GPC3: variants seen among roughly 807,000 people sequenced by gnomAD.
GPC3 encodes glypican 3.
A neutral mutation model predicts 34.4 loss-of-function variants in GPC3; 3 were observed. That is an observed-to-expected ratio of 0.09 (90% CI 0.04 to 0.23). The LOEUF (loss-of-function observed/expected upper bound fraction) is 0.23. Ranked by LOEUF, GPC3 falls within the 10% of genes least tolerant of loss-of-function variation. GPC3 has a pLI of 1.00. For missense variants in GPC3, 351 were observed against 445.6 expected, an observed-to-expected ratio of 0.79 and a Z score of 1.91; for synonymous variants, 177 against 174.0, an observed-to-expected ratio of 1.02 and a Z score of -0.13.
chrX:133,811,145 T>C (rs1350434763), intron 2 of GPC3, among the ~76,000 whole-genome samples: 1 of 112,329 alleles, frequency 8.9e-6, no homozygotes, highest in African/African-American at 3.2e-5. Context: ...GTTTGGACAA[T>C]AATTTATATT....
At chrX:133,837,721 T>C (rs898257621) in intron 2 of GPC3, among the ~76,000 whole-genome samples, 53 of 111,805 alleles carry the variant, frequency 4.7e-4, no homozygotes, top group African/African-American at 1.7e-3. Context: ...ACTGATCAGT[T>C]CTGTACCTTG....
At chrX:133,772,152 TAAAGA>T (rs970312791) in intron 2 of GPC3, among the ~76,000 whole-genome samples, 5 of 111,652 alleles carry the variant, frequency 4.5e-5, no homozygotes, top group African/African-American at 1.6e-4. Flanking sequence ...AAAACTAAAC[TAAAGA>T]AAAGTTTGCC....
intron 2 of GPC3, among the ~76,000 whole-genome samples, chrX:133,830,989 GA>G (rs199805735): frequency 9.3e-6 from 1 of 107,252 alleles, no homozygotes; most frequent in African/African-American, 3.4e-5. Context: ...CATACTGAGT[GA>G]AAAAAAAAGC....
At chrX:133,644,096 G>A (rs1207048821) in intron 6 of GPC3, among the ~76,000 whole-genome samples, 1 of 110,414 alleles carries the variant, frequency 9.1e-6, no homozygotes. Flanking sequence ...AAAGTGCTGG[G>A]ATTACAGACG....
In GPC3 at chrX:133,847,493, T is replaced by C. The variant is rs186542939; in HGVS notation, c.338-93317A>G. Among the ~76,000 whole-genome samples the C allele has an allele frequency of 8.4e-3, 941 of 112,348 alleles. 12 individuals are homozygous for C. The highest frequency in any genetic ancestry group is 0.029 in the African/African-American group (886 of 30,974). ...ACTGCCTATATAACAGTTTTATAAA[T>C]GGAGCAAGTTGACTTAAATTGGAAC... On this transcript the variant is annotated intron_variant, in intron 2 of 7. Coordinates refer to ENST00000370818, the MANE Select transcript of GPC3 (RefSeq NM_004484.4).
intron 7 of GPC3, among the ~76,000 whole-genome samples, chrX:133,549,890 TTCTC>T (rs765499456): frequency 1.0e-4 from 10 of 96,768 alleles, no homozygotes; most frequent in South Asian, 6.4e-4. Flanking sequence ...CCCTCCCTCC[TTCTC>T]TCTTTCTATC....
chrX:133,808,875 T>C (rs1474939072), intron 2 of GPC3, among the ~76,000 whole-genome samples: 2 of 112,133 alleles, frequency 1.8e-5, no homozygotes, highest in Admixed American at 9.5e-5. Context: ...ATTTCACACA[T>C]AATAAAAAGA....
intron 2 of GPC3, among the ~76,000 whole-genome samples, chrX:133,848,807 G>A (rs2075858150): frequency 9.0e-6 from 1 of 110,659 alleles, no homozygotes; most frequent in African/African-American, 3.3e-5. Context: ...ATGTCTGGGA[G>A]GAAGGGAATA....
intron 2 of GPC3, among the ~76,000 whole-genome samples, chrX:133,897,913 C>T (rs1309391051): frequency 9.0e-6 from 1 of 111,701 alleles, no homozygotes; most frequent in African/African-American, 3.2e-5. Context: ...AACATTCCCT[C>T]CCAGCATTTT....
intron 2 of GPC3, among the ~76,000 whole-genome samples, chrX:133,910,028 G>A (rs1025506406): frequency 9.0e-6 from 1 of 111,391 alleles, no homozygotes; most frequent in Non-Finnish European, 1.9e-5. Context: ...GAGCAAGTGT[G>A]GGAAACATAT....
chrX:133,984,248 A>G (rs1024435579), intron 1 of GPC3, among the ~76,000 whole-genome samples: 3 of 113,610 alleles, frequency 2.6e-5, no homozygotes, highest in African/African-American at 9.6e-5. Flanking sequence ...CGGTTACGGA[A>G]TACAACTGGC....
intron 2 of GPC3, among the ~76,000 whole-genome samples, chrX:133,781,007 T>G (rs748670222): frequency 8.9e-6 from 1 of 112,129 alleles, no homozygotes; most frequent in Admixed American, 9.5e-5. Context: ...TTTCACTAAC[T>G]TATTGAAAAT....
At chrX:133,630,041 T>G (rs141136548) in intron 6 of GPC3, among the ~76,000 whole-genome samples, 1 of 105,937 alleles carries the variant, frequency 9.4e-6, no homozygotes, top group African/African-American at 3.5e-5. Flanking sequence ...GCAACAAGAG[T>G]GAAACTCCAT....
chrX:133,702,674 C>T (rs1275282118), intron 3 of GPC3, among the ~76,000 whole-genome samples: 4 of 111,635 alleles, frequency 3.6e-5, no homozygotes, highest in African/African-American at 1.3e-4. Flanking sequence ...GATAATGTCG[C>T]CACTCTGCAG....
chrX:133,785,301 A>G lies in GPC3; in HGVS notation c.338-31125T>C, dbSNP rs1353453791. Among the ~76,000 whole-genome samples, 4 of 111,324 alleles carry G rather than the reference A, an allele frequency of 3.6e-5. No homozygotes were observed. In the Admixed American group the frequency reaches 3.8e-4, roughly 11 times the overall value. ...CTGTTTGTGAAAAGCAGTATACCTG[A>G]GTAGACTAGAGTGTCAGGTAAACTA... On this transcript the variant is annotated intron_variant, in intron 2 of 7. Coordinates refer to ENST00000370818, the MANE Select transcript of GPC3 (RefSeq NM_004484.4).
chrX:133,857,322 AGTTT>A (rs1306470129), intron 2 of GPC3, among the ~76,000 whole-genome samples: 2 of 112,731 alleles, frequency 1.8e-5, no homozygotes, highest in Non-Finnish European at 3.7e-5. Context: ...AATCAATAAA[AGTTT>A]GTTTAATTAA....
intron 2 of GPC3, chrX:133,763,305 A>T (rs1473355490): frequency 1.8e-6 from 1 of 562,174 alleles, no homozygotes; most frequent in Non-Finnish European, 3.2e-6. Context: ...GAGCTCACTC[A>T]GTGGGTTTGA....
At chrX:133,660,398 C>T (rs999279012) in intron 6 of GPC3, among the ~76,000 whole-genome samples, 2 of 112,415 alleles carry the variant, frequency 1.8e-5, no homozygotes, top group Non-Finnish European at 3.8e-5. Flanking sequence ...AACACTGTCA[C>T]TCTGGTATAT....
intron 6 of GPC3, among the ~76,000 whole-genome samples, chrX:133,651,954 C>T (rs183927462): frequency 4.4e-4 from 49 of 112,280 alleles, no homozygotes; most frequent in African/African-American, 1.5e-3. Context: ...TGTGCATGTA[C>T]GCACATATAA....
Sources: gnomAD v4.1 joint callset for allele counts (sites outside exome capture counted in the v4.1 genomes callset) on GRCh38, gnomAD v4.1.1 for gene constraint, MANE v1.5 for transcripts, NCBI Gene and HGNC (gene_info 2026-07-23, HGNC 2026-07-21) for gene names.